LRP2: variants seen among roughly 807,000 people sequenced by gnomAD.
The protein encoded by LRP2 is low-density lipoprotein receptor-related protein 2.
LRP2 carries 172 observed loss-of-function variants against 531.0 expected under a neutral mutation model. That is an observed-to-expected ratio of 0.32 (90% confidence interval 0.29 to 0.37). The LOEUF is 0.37. Ranked by LOEUF, LRP2 falls within the 10% of genes least tolerant of loss-of-function variation. LRP2 has a pLI of 1.00. For synonymous variants in LRP2, 1,992 were observed against 2,027.6 expected, an observed-to-expected ratio of 0.98 and a Z score of 0.47; for missense variants, 5,167 against 5,868.3, an observed-to-expected ratio of 0.88 and a Z score of 3.90.
At chr2:169,350,890 A>T (rs1226004449) in intron 1 of LRP2, among the ~76,000 whole-genome samples, 1 of 151,928 alleles carries the variant, frequency 6.6e-6, no homozygotes, top group East Asian at 1.9e-4. Context: ...TTGACATGTG[A>T]TGTTCTTTCC....
intron 17 of LRP2, among the ~76,000 whole-genome samples, chr2:169,258,290 C>T: frequency 6.6e-6 from 1 of 152,016 alleles, no homozygotes; most frequent in Non-Finnish European, 1.5e-5. Flanking sequence ...TAGATTCATT[C>T]TCTCTAAAAT....
intron 3 of LRP2, among the ~76,000 whole-genome samples, chr2:169,314,233 T>A (rs1684698255): frequency 7.4e-6 from 1 of 134,430 alleles, no homozygotes; most frequent in Non-Finnish European, 1.6e-5. Flanking sequence ...CCTTATATCT[T>A]AAAAGAAAAA....
chr2:169,361,377 CCT>C (rs776760493), intron 1 of LRP2, among the ~76,000 whole-genome samples: 14 of 52,268 alleles, frequency 2.7e-4, no homozygotes, highest in African/African-American at 8.5e-4. Context: ...TCTCTCTCTC[CCT>C]CTCTCTCTCT....
chr2:169,195,537 T>C (rs909339033), intron 46 of LRP2, among the ~76,000 whole-genome samples: 3 of 152,208 alleles, frequency 2.0e-5, no homozygotes, highest in African/African-American at 7.2e-5. Flanking sequence ...AATGAGGATA[T>C]ATTCATATAT....
intron 52 of LRP2, among the ~76,000 whole-genome samples, chr2:169,180,885 T>C (rs1373053906): frequency 1.3e-5 from 2 of 152,220 alleles, no homozygotes; most frequent in African/African-American, 4.8e-5. Flanking sequence ...ATGAGTATTT[T>C]TTATTGAACA....
At chr2:169,247,609 G>T in intron 19 of LRP2, 94 bp from the exon 20 acceptor site, 3 of 1,332,050 alleles carry the variant, frequency 2.3e-6, no homozygotes, top group Non-Finnish European at 3.2e-6. Context: ...AATGCTTCTT[G>T]CAAGTACGAT....
At chr2:169,232,862 A>T (rs1689460542) in intron 30 of LRP2, among the ~76,000 whole-genome samples, 1 of 152,174 alleles carries the variant, frequency 6.6e-6, no homozygotes, top group East Asian at 1.9e-4. Context: ...GGTGTGAGAA[A>T]CAATTGGAGA....
intron 68 of LRP2, among the ~76,000 whole-genome samples, chr2:169,149,380 CTT>C (rs1393002841): frequency 6.6e-6 from 1 of 152,144 alleles, no homozygotes; most frequent in Non-Finnish European, 1.5e-5. Flanking sequence ...GCTTATAAAA[CTT>C]ATGGATGATG....
chr2:169,176,261 G>A, intron 54 of LRP2, 150 bp downstream of exon 54: 1 of 809,164 alleles, frequency 1.2e-6, no homozygotes, highest in South Asian at 1.5e-5. Context: ...TCTGAAGTTG[G>A]AGGCTGAGAG....
At chr2:169,298,842 T>C (rs1684198000) in intron 4 of LRP2, among the ~76,000 whole-genome samples, 1 of 151,906 alleles carries the variant, frequency 6.6e-6, no homozygotes, top group East Asian at 1.9e-4. Flanking sequence ...AAAGTTAGTC[T>C]CATGAAGGTA....
At chr2:169,264,276 A>G (rs921257247) in intron 16 of LRP2, among the ~76,000 whole-genome samples, 1 of 151,868 alleles carries the variant, frequency 6.6e-6, no homozygotes, top group South Asian at 2.1e-4. Context: ...AAAAAAATTA[A>G]AAAAAGGTAG....
At chr2:169,145,664 G>T in intron 70 of LRP2, 83 bp downstream of exon 70, 1 of 1,332,834 alleles carries the variant, frequency 7.5e-7, no homozygotes, top group Non-Finnish European at 1.1e-6. Flanking sequence ...GTTATCTACT[G>T]CCATCTTCCA....
chr2:169,267,476 G>A (rs1683248292), intron 16 of LRP2, among the ~76,000 whole-genome samples: 1 of 152,146 alleles, frequency 6.6e-6, no homozygotes, highest in Non-Finnish European at 1.5e-5. Flanking sequence ...CAACTACACG[G>A]AAACTGAACA....
intron 4 of LRP2, among the ~76,000 whole-genome samples, chr2:169,295,904 G>C (rs1197011349): frequency 6.6e-6 from 1 of 151,988 alleles, no homozygotes; most frequent in Non-Finnish European, 1.5e-5. Context: ...TGATTATCAG[G>C]TCATCTTCTG....
Position 169,185,569 on chromosome 2 carries a change from T to A in LRP2, c.9779A>T (p.Asn3260Ile). 6.2e-7 allele frequency: 1 copy of A among 1,614,046 alleles called. No homozygotes were observed. The highest frequency in any genetic ancestry group is 2.2e-5 in the East Asian group (1 of 44,882). The change falls in exon 50 of 79, where the codon AAC (asparagine) becomes ATC (isoleucine). Residue 3260 changes from asparagine to isoleucine, a missense_variant. By Grantham distance (149) the Asn-to-Ile change is moderately radical. Transcript: ENST00000649046. ...TCTGTGGTTTATGATTGTCTCCTTGTTTGTCTTATTCAGAAACATTCTCTC... is the reference window on the plus strand; with the variant it reads ...TCTGTGGTTTATGATTGTCTCCTTGATTGTCTTATTCAGAAACATTCTCTC... ...VIERMFLNKT[N>I]KETIINHRLP...
At chr2:169,307,437 G>T in intron 3 of LRP2, 40 bp from the exon 4 acceptor site, 2 of 1,129,734 alleles carry the variant, frequency 1.8e-6, no homozygotes, top group Non-Finnish European at 2.7e-6. Flanking sequence ...TATAATTATT[G>T]CTAGACACAG....
intron 1 of LRP2, among the ~76,000 whole-genome samples, chr2:169,347,317 C>T (rs1012581987): frequency 2.0e-5 from 3 of 152,220 alleles, no homozygotes; most frequent in Non-Finnish European, 4.4e-5. Context: ...GACCAAGAGA[C>T]CTTTAAGCAC....
At chr2:169,200,408 G>T (rs151063559) in intron 44 of LRP2, among the ~76,000 whole-genome samples, 12 of 152,244 alleles carry the variant, frequency 7.9e-5, no homozygotes, top group African/African-American at 2.6e-4. Flanking sequence ...TGGATAAGTG[G>T]CTAATTCCAG....
Position 169,246,978 on chromosome 2 carries a change from C to T in LRP2, c.2917G>A (p.Ala973Thr), listed in dbSNP as rs752290503. Residue 973 changes from alanine (A) to threonine (T), a missense_variant, in exon 21 of 79, where the codon GCC becomes ACC. Around this residue, in one of 6 missense-constraint regions of LRP2, gnomAD observed 2,811 missense variants for 3,058.0 expected, o/e 0.92. Coordinates refer to ENST00000649046, the MANE Select transcript of LRP2 (RefSeq NM_004525.3). The part of the protein sequence containing the change: ...YDVNIQTGSN[A>T]CNQPTHPNGD... ...TTAGGATGCGTGGGTTGATTACAGG[C>T]GTTAGAACCTGCAAAAGCAAAGCCC... is the stretch of plus-strand genomic sequence containing the variant. 24 of 1,613,884 alleles carry T rather than the reference C, an allele frequency of 1.5e-5. No individual in the cohort carries two copies. Among genetic ancestry groups the T allele is most frequent in the East Asian group, 1.3e-4 (6 of 44,888 alleles).
Sources: allele counts gnomAD v4.1 joint callset (sites outside exome capture counted in the v4.1 genomes callset), GRCh38; gene constraint gnomAD v4.1.1; regional missense constraint gnomAD v4.1.1; transcripts MANE v1.5; gene names NCBI Gene and HGNC (gene_info 2026-07-23, HGNC 2026-07-21).